NFIC: variants seen among roughly 807,000 people sequenced by gnomAD.
NFIC encodes the protein nuclear factor 1 C-type.
Under a neutral mutation model 54.4 loss-of-function variants are expected in NFIC, and 12 were observed. That is an observed-to-expected ratio of 0.22 (90% CI 0.14 to 0.36). The LOEUF (loss-of-function observed/expected upper bound fraction) is 0.36. Among genes scored for constraint, NFIC ranks in the 10% least tolerant of loss-of-function variants. NFIC has a pLI of 1.00. For synonymous variants in NFIC, 322 were observed against 319.2 expected (o/e 1.01, Z -0.09); for missense variants, 575 against 718.2 (o/e 0.80, Z 2.28).
At chr19:3,425,312 G>A (rs2082010860) in intron 3 of NFIC, 135 bp downstream of exon 3, 3 of 1,025,232 alleles carry the variant, frequency 2.9e-6, no homozygotes, top group Non-Finnish European at 4.2e-6. Context: ...TAAGGGGCCT[G>A]TCCAGGGGCT....
At chr19:3,462,271 A>G (rs994431347) in intron 10 of NFIC, among the ~76,000 whole-genome samples, 2 of 151,294 alleles carry the variant, frequency 1.3e-5, no homozygotes, top group African/African-American at 4.9e-5. Flanking sequence ...AATCCCAGCT[A>G]CTCGGGAGGC....
intron 2 of NFIC, among the ~76,000 whole-genome samples, chr19:3,414,674 T>C (rs1300954024): frequency 6.6e-6 from 1 of 151,894 alleles, no homozygotes; most frequent in South Asian, 2.1e-4. Flanking sequence ...CTTAGCTGAC[T>C]GTGCAAGAAT....
rs185648522 is a variant in NFIC at position 3,427,215 on chromosome 19, C to T, written c.634+2038C>T. ...TGCTGGGATTACAGGCATGAGCCACCGCGCCCAGCCTGGCTACCCTCAGTC... is the reference window on the plus strand; with the variant it reads ...TGCTGGGATTACAGGCATGAGCCACTGCGCCCAGCCTGGCTACCCTCAGTC... On this transcript the variant is annotated intron_variant, in intron 3 of 10. Transcript: ENST00000443272. 1.4e-4 allele frequency among the ~76,000 whole-genome samples: 21 copies of T among 152,118 alleles called. No individual in the cohort carries two copies. The East Asian group carries it at 3.9e-3, about 28-fold the overall frequency.
chr19:3,397,060 A>G (rs906342699), intron 2 of NFIC, among the ~76,000 whole-genome samples: 2 of 151,720 alleles, frequency 1.3e-5, no homozygotes, highest in Non-Finnish European at 1.5e-5. Flanking sequence ...TTGTGGGGGG[A>G]TTGCAGGCGT....
chr19:3,412,858 G>A (rs990545016), intron 2 of NFIC, among the ~76,000 whole-genome samples: 33 of 152,158 alleles, frequency 2.2e-4, no homozygotes, highest in African/African-American at 6.8e-4. Flanking sequence ...CTCTGGCCTG[G>A]CTGAGCGGGA....
chr19:3,382,673 G>A lies in NFIC; in HGVS notation c.562+430G>A, dbSNP rs189469152. On this transcript the variant is annotated intron_variant, in intron 2 of 10. Transcript: ENST00000443272. ...TGTGATGTGGTGGTCCAAGCGGGGA[G>A]GCGGGCCTGGGAGAGCGTCTGACGC... 3.9e-3 allele frequency among the ~76,000 whole-genome samples: 580 copies of A among 148,098 alleles called. 3 individuals are homozygous for A. Among genetic ancestry groups the A allele is most frequent in the South Asian group, 0.015 (70 of 4,634 alleles).
upstream of NFIC, among the ~76,000 whole-genome samples, chr19:3,365,511 C>A (rs1238300144): frequency 6.6e-6 from 1 of 152,136 alleles, no homozygotes; most frequent in East Asian, 1.9e-4. Context: ...TCATCAGATG[C>A]CCTGGGGGCT....
At position 3,434,308 on chromosome 19, in the gene NFIC, C is replaced by A. The variant is rs750650601; in HGVS notation, c.741C>A (p.Phe247Leu). Residue 247 changes from phenylalanine (F) to leucine (L), a missense_variant, in exon 5 of 11, where the codon TTC becomes TTA. Around this residue, in one of 3 missense-constraint regions of NFIC, gnomAD observed 447 missense variants for 526.9 expected, o/e 0.85. Transcript: ENST00000443272. ...TPVVTGTGPNFSLGELQGHLA... is the reference protein window; with the variant it reads ...TPVVTGTGPNLSLGELQGHLA... ...TGGTGACTGGAACAGGACCCAACTT[C>A]TCCCTGGGGGAGCTGCAGGGGCACC... 6 of 1,613,056 alleles carry A rather than the reference C, an allele frequency of 3.7e-6. No individual in the cohort carries two copies. The highest frequency in any genetic ancestry group is 1.7e-5 in the Admixed American group (1 of 59,990).
At chr19:3,462,698 C>T (rs1005363304) in intron 10 of NFIC, 54 bp from the exon 11 acceptor site, 6 of 1,595,330 alleles carry the variant, frequency 3.8e-6, no homozygotes, top group Non-Finnish European at 4.3e-6. Flanking sequence ...TCTGACCCCT[C>T]GACTTCTCTC....
intron 1 of NFIC, among the ~76,000 whole-genome samples, chr19:3,360,257 G>C (rs1056713095): frequency 4.5e-4 from 65 of 145,898 alleles, no homozygotes; most frequent in African/African-American, 1.5e-3. Flanking sequence ...ACTTGGAGCC[G>C]GGCGGGCGGC....
intron 2 of NFIC, among the ~76,000 whole-genome samples, chr19:3,395,224 T>G (rs963735525): frequency 6.6e-6 from 1 of 152,034 alleles, no homozygotes; most frequent in Non-Finnish European, 1.5e-5. Flanking sequence ...CCAGGTGTGG[T>G]GGTGCACACC....
chr19:3,465,355 TAAA>T lies in NFIC; in HGVS notation c.*2590_*2592del, dbSNP rs2082703317. On this transcript the variant is annotated 3_prime_UTR_variant, in exon 11 of 11. Coordinates refer to ENST00000443272, the MANE Select transcript of NFIC (RefSeq NM_001245002.2). ...AAAAAGACAAAACAGTGACATGAAA[TAAA>T]AAATAAAAATTGAAAAGGGATGTAT... is the stretch of plus-strand genomic sequence containing the variant. 2.2e-5 allele frequency: 1 copy of T among 46,146 alleles called. No homozygotes were observed. Among genetic ancestry groups the T allele is most frequent in the African/African-American group, 9.0e-5 (1 of 11,074 alleles). The allele number at this position is 46,146 out of a possible 1,614,324, so 2.9% of individuals were successfully genotyped here.
intron 1 of NFIC, among the ~76,000 whole-genome samples, chr19:3,379,673 C>CTTTTTTTT (rs370082450): frequency 2.4e-4 from 25 of 102,528 alleles, no homozygotes; most frequent in African/African-American, 7.0e-4. Context: ...TTATTTCTTT[C>CTTTTTTTT]TTTTTTTTTT....
chr19:3,467,788 T>TATATATATATATATATATATATAA lies in NFIC; in HGVS notation c.*5020_*5021insTATATATATATATATATATATAAA, dbSNP rs566623409. On this transcript the variant is annotated 3_prime_UTR_variant, in exon 11 of 11. Coordinates refer to ENST00000443272, the MANE Select transcript of NFIC (RefSeq NM_001245002.2). ...ATATATATATATATATATATATATA[T>TATATATATATATATATATATATAA]AATTTTGGAATTTGTTTCTCATAAT... 12 of 136,786 alleles carry TATATATATATATATATATATATAA rather than the reference T, an allele frequency of 8.8e-5. No homozygotes were observed. The highest frequency in any genetic ancestry group is 3.1e-4 in the African/African-American group (11 of 35,408). 8.5% of individuals were successfully genotyped at this position (136,786 alleles called of 1,614,324 possible). A position where few individuals can be genotyped will look rare whatever the true frequency, so the allele number is the denominator to read the frequency against.
intron 2 of NFIC, among the ~76,000 whole-genome samples, chr19:3,385,824 G>A (rs554776429): frequency 1.3e-5 from 2 of 151,806 alleles, no homozygotes; most frequent in South Asian, 2.1e-4. Context: ...CACCCGCCTC[G>A]GCCTCCCAAA....
At chr19:3,361,948 A>G (rs575050853), upstream of NFIC, among the ~76,000 whole-genome samples, 1 of 152,314 alleles carries the variant, frequency 6.6e-6, no homozygotes, top group Non-Finnish European at 1.5e-5. Flanking sequence ...AGGCCTGTCT[A>G]GAGACAGACG....
rs79625025 is a variant in NFIC, at chr19:3,387,278, G to T, written c.562+5035G>T. Reference sequence around the variant, plus strand: ...GCACTTCGGGAGGCCGAGGCAGGCGGATCACCTGAGGTCAGGAGTTTGAGG... The same window carrying T: ...GCACTTCGGGAGGCCGAGGCAGGCGTATCACCTGAGGTCAGGAGTTTGAGG... On this transcript the variant is annotated intron_variant, in intron 2 of 10. Transcript: ENST00000443272. 3.6e-4 allele frequency among the ~76,000 whole-genome samples: 55 copies of T among 152,146 alleles called. 1 individual carries two copies. Among genetic ancestry groups the T allele is most frequent in the Non-Finnish European group, 1.5e-5 (1 of 68,020 alleles).
At chr19:3,417,511 C>T (rs900935599) in intron 2 of NFIC, among the ~76,000 whole-genome samples, 1 of 151,778 alleles carries the variant, frequency 6.6e-6, no homozygotes, top group Non-Finnish European at 1.5e-5. Context: ...AGCCAGCCTT[C>T]GACATTATGC....
At chr19:3,432,438 GAGA>G (rs1284213276) in intron 3 of NFIC, among the ~76,000 whole-genome samples, 1 of 152,140 alleles carries the variant, frequency 6.6e-6, no homozygotes, top group Non-Finnish European at 1.5e-5. Flanking sequence ...GTCTGAAGGG[GAGA>G]AGAACAAGAA....
Sources: gnomAD v4.1 joint callset for allele counts (sites outside exome capture counted in the v4.1 genomes callset) on GRCh38, gnomAD v4.1.1 for gene constraint, gnomAD v4.1.1 regional missense constraint, MANE v1.5 for transcripts, NCBI Gene and HGNC (gene_info 2026-07-23, HGNC 2026-07-21) for gene names.